The following TTC13 variants were observed in gnomAD, a reference collection of about 807,000 sequenced individuals.
TTC13 encodes tetratricopeptide repeat protein 13.
Under a neutral mutation model 120.0 loss-of-function variants are expected in TTC13, and 62 were observed. The ratio of observed to expected loss-of-function variants is 0.52; its 90% CI spans 0.42 to 0.64. TTC13 has a LOEUF of 0.64. Ranked by LOEUF, TTC13 falls within the 30% of genes least tolerant of loss-of-function variation. TTC13 has a pLI of 0.00. For missense variants in TTC13, 824 were observed against 1,050.2 expected (o/e 0.78, Z 2.98); for synonymous variants, 384 against 393.5 (o/e 0.98, Z 0.28).
chr1:230,932,349 T>G (rs747873610), intron 9 of TTC13, among the ~76,000 whole-genome samples: 77 of 151,890 alleles, frequency 5.1e-4, no homozygotes, highest in Non-Finnish European at 8.2e-4. Context: ...TAGTAAATCA[T>G]TATATAATTT....
Position 230,978,580 on chromosome 1 carries a change from T to C in TTC13, c.251A>G (p.Gln84Arg), listed in dbSNP as rs1420294447. Reference sequence around the variant, plus strand: ...CTCACCGCCGCACTCGGCAGAGTACTGGTCCCCCCAGTCCCCGGACTGCGG... The same window carrying C: ...CTCACCGCCGCACTCGGCAGAGTACCGGTCCCCCCAGTCCCCGGACTGCGG... ...CSPQSGDWGDQYSAECGESSF... is the reference protein window; with the variant it reads ...CSPQSGDWGDRYSAECGESSF... Residue 84 changes from glutamine to arginine, a missense_variant, in exon 1 of 23, where the codon CAG becomes CGG. Physicochemically the swap from Gln to Arg is conservative, Grantham distance 43. Transcript: ENST00000366661. This position sits in a 1 kb window ranked among gnomAD's most constrained non-coding sequence, Gnocchi z 5.6. The C allele has an allele frequency of 3.0e-6, 4 of 1,319,058 alleles. No homozygotes were observed. The highest frequency in any genetic ancestry group is 3.0e-6 in the Non-Finnish European group (3 of 990,798). The allele number at this position is 1,319,058 out of a possible 1,614,324, so 81.7% of individuals were successfully genotyped here.
intron 1 of TTC13, among the ~76,000 whole-genome samples, chr1:230,969,482 G>A (rs1677502547): frequency 6.6e-6 from 1 of 152,088 alleles, no homozygotes; most frequent in Non-Finnish European, 1.5e-5. Flanking sequence ...TATTATACTT[G>A]CTTATTCCTC....
At chr1:230,945,015 T>A (rs1053373098) in intron 5 of TTC13, among the ~76,000 whole-genome samples, 3 of 152,166 alleles carry the variant, frequency 2.0e-5, no homozygotes, top group Admixed American at 6.5e-5. Flanking sequence ...CAAATAAAGA[T>A]AAATTTTACA....
intron 11 of TTC13, among the ~76,000 whole-genome samples, chr1:230,929,861 G>T (rs983423279): frequency 1.5e-5 from 2 of 134,310 alleles, no homozygotes; most frequent in Admixed American, 8.0e-5. Flanking sequence ...ATTCACAAGC[G>T]CAAGCTCCAC....
Position 230,911,487 on chromosome 1 carries a change from T to C in TTC13, c.2292A>G (p.Pro764=). 1 of 1,599,650 alleles carries C rather than the reference T, an allele frequency of 6.3e-7. No individual in the cohort carries two copies. The highest frequency in any genetic ancestry group is 8.5e-7 in the Non-Finnish European group (1 of 1,173,642). ...SLVYYFYNLM[P]LSRGSSVIAY... is the part of the protein sequence containing the mutation. Reference sequence around the variant, plus strand: ...TTACTTACCTGGATCCTCGAGAGAGTGGCATTAAATTATAAAAGTAATAAA... The same window carrying C: ...TTACTTACCTGGATCCTCGAGAGAGCGGCATTAAATTATAAAAGTAATAAA... Residue 764 remains proline (P), a synonymous_variant, in exon 20 of 23, where the codon CCA becomes CCG. Transcript: ENST00000366661.
At chr1:230,907,741 A>G (rs539910916) in intron 22 of TTC13, among the ~76,000 whole-genome samples, 2 of 152,366 alleles carry the variant, frequency 1.3e-5, no homozygotes, top group Non-Finnish European at 2.9e-5. Context: ...ACCCAGCAAT[A>G]GAGTGGTTGC....
chr1:230,933,123 C>T (rs1673713759), intron 9 of TTC13, among the ~76,000 whole-genome samples: 5 of 152,152 alleles, frequency 3.3e-5, no homozygotes, highest in Admixed American at 3.3e-4. Context: ...CAGGAACCCA[C>T]CACCATGCCT....
rs1415780343 is a variant in TTC13 at position 230,931,293 on chromosome 1, C to T, written c.1300+5G>A. 1 of 1,611,638 alleles carries T rather than the reference C, an allele frequency of 6.2e-7. No homozygotes were observed. Among genetic ancestry groups the T allele is most frequent in the Non-Finnish European group, 8.5e-7 (1 of 1,179,198 alleles). ...ATCCAACAATTCTGTGATTTTCTGA[C>T]TTACCTCGGAGATACTTTACTTTAA... On this transcript the variant is annotated splice_donor_5th_base_variant and intron_variant, in intron 11 of 22. Transcript: ENST00000366661.
At chr1:230,939,270 C>T (rs1674339925) in intron 8 of TTC13, 116 bp downstream of exon 8, 1 of 530,986 alleles carries the variant, frequency 1.9e-6, no homozygotes, top group South Asian at 3.6e-5. Context: ...AAGAACCCAT[C>T]AAAGAGTAGG....
At chr1:230,975,770 G>A (rs1429806341) in intron 1 of TTC13, among the ~76,000 whole-genome samples, 1 of 152,202 alleles carries the variant, frequency 6.6e-6, no homozygotes, top group African/African-American at 2.4e-5. Flanking sequence ...GAGACATATG[G>A]CACCAGAGGG....
chr1:230,931,368 T>G lies in TTC13; in HGVS notation c.1230A>C (p.Lys410Asn), dbSNP rs749339055. 13 of 1,614,086 alleles carry G rather than the reference T, an allele frequency of 8.1e-6. No individual in the cohort carries two copies. Among genetic ancestry groups the G allele is most frequent in the Middle Eastern group, 3.3e-4 (2 of 6,080 alleles). The change falls in exon 11 of 23, where the codon AAA becomes AAC. Residue 410 changes from lysine (K) to asparagine (N), a missense_variant. By Grantham distance (94) the Lys-to-Asn change is moderately conservative (BLOSUM62 0). Coordinates refer to ENST00000366661, the MANE Select transcript of TTC13 (RefSeq NM_024525.5). The stretch of plus-strand genomic sequence containing the variant: ...CTGGGAGAGGATCATTCAGCATAAC[T>G]TTTGTTTGTGCTTTTATCCCTTCAT... The part of the protein sequence containing the change: ...QFYEGIKAQT[K>N]VMLNDPLPGQ...
chr1:230,931,298 C>T lies in TTC13; in HGVS notation c.1300G>A (p.Glu434Lys). The T allele has an allele frequency of 6.2e-7, 1 of 1,612,684 alleles. No individual in the cohort carries two copies. The highest frequency in any genetic ancestry group is 1.1e-5 in the South Asian group (1 of 90,814). ...ACAATTCTGTGATTTTCTGACTTAC[C>T]TCGGAGATACTTTACTTTAAGATAC... ...PEYLKVKYLR[E>K]YSRYLHAHLD... The change falls in exon 11 of 23, where the codon GAG becomes AAG. Residue 434 changes from glutamate (E) to lysine (K), a missense_variant and splice_region_variant. Physicochemically the swap from Glu to Lys is moderately conservative, Grantham distance 56. Coordinates refer to ENST00000366661, the MANE Select transcript of TTC13 (RefSeq NM_024525.5).
intron 4 of TTC13, among the ~76,000 whole-genome samples, chr1:230,950,307 T>C (rs1385070076): frequency 6.6e-6 from 1 of 152,014 alleles, no homozygotes; most frequent in Non-Finnish European, 1.5e-5. Context: ...GTTTCTATAC[T>C]CTTAAAAAGA....
At chr1:230,968,703 T>C (rs1199909879) in intron 1 of TTC13, among the ~76,000 whole-genome samples, 1 of 151,356 alleles carries the variant, frequency 6.6e-6, no homozygotes, top group Non-Finnish European at 1.5e-5. Context: ...TGAGGAAGAA[T>C]TAGGCACAGA....
At chr1:230,970,710 G>A (rs1181528292) in intron 1 of TTC13, among the ~76,000 whole-genome samples, 1 of 152,180 alleles carries the variant, frequency 6.6e-6, no homozygotes, top group Non-Finnish European at 1.5e-5. Context: ...ACACATCCAT[G>A]TGTGTGAGAA....
intron 18 of TTC13, among the ~76,000 whole-genome samples, chr1:230,915,211 G>A (rs886572946): frequency 6.6e-6 from 1 of 152,192 alleles, no homozygotes; most frequent in South Asian, 2.1e-4. Context: ...TTGTAGTTTA[G>A]AGGAAAAGTA....
intron 4 of TTC13, 106 bp from the exon 5 acceptor site, chr1:230,945,560 T>C: frequency 3.2e-6 from 3 of 949,670 alleles, no homozygotes; most frequent in Middle Eastern, 2.3e-4. Context: ...GCTCTACTTC[T>C]TTATGCTACG....
At chr1:230,915,235 G>C (rs934766424) in intron 18 of TTC13, among the ~76,000 whole-genome samples, 1 of 152,202 alleles carries the variant, frequency 6.6e-6, no homozygotes, top group African/African-American at 2.4e-5. Context: ...GAGAAAGCCA[G>C]AGCCCAAGAG....
Position 230,920,055 on chromosome 1 carries a change from C to T in TTC13, c.1983+455G>A, listed in dbSNP as rs186331868. Among the ~76,000 whole-genome samples the T allele has an allele frequency of 2.7e-3, 410 of 152,320 alleles. 2 individuals carry two copies. Among genetic ancestry groups the T allele is most frequent in the African/African-American group, 9.3e-3 (388 of 41,568 alleles). ...CTTTGGCAGAACCAAACTCCACTCT[C>T]TACCTCCTTAGCTTAGCAAGACCAC... On this transcript the variant is annotated intron_variant, in intron 17 of 22. Transcript: ENST00000366661.
Sources: gnomAD v4.1 joint callset for allele counts (sites outside exome capture counted in the v4.1 genomes callset) on GRCh38, gnomAD v4.1.1 for gene constraint, Gnocchi (gnomAD v3.1) non-coding constraint, MANE v1.5 for transcripts, NCBI Gene and HGNC (gene_info 2026-07-23, HGNC 2026-07-21) for gene names.